MTPN: variants seen among roughly 807,000 people sequenced by gnomAD.
MTPN encodes the protein myotrophin, also known as granule cell differentiation protein.
A neutral mutation model predicts 13.5 loss-of-function variants in MTPN; 2 were observed. That is an observed-to-expected ratio of 0.15 (90% confidence interval 0.06 to 0.47). MTPN has a LOEUF of 0.47. Among genes scored for constraint, MTPN ranks in the 20% least tolerant of loss-of-function variants. MTPN has a pLI of 0.97. For missense variants in MTPN, 79 were observed against 137.9 expected (o/e 0.57, Z 2.14); for synonymous variants, 46 against 51.7 (o/e 0.89, Z 0.48).
chr7:135,954,789 A>G (rs1416242458), intron 1 of MTPN, among the ~76,000 whole-genome samples: 6 of 152,112 alleles, frequency 3.9e-5, no homozygotes, highest in Admixed American at 3.9e-4. Context: ...AAAAAACACA[A>G]CAAATTAGCT....
Position 135,927,761 on chromosome 7 carries a change from A to G in MTPN, c.*2165T>C, listed in dbSNP as rs1169498264. 4.3e-6 allele frequency: 2 copies of G among 466,754 alleles called. No individual in the cohort carries two copies. Among genetic ancestry groups the G allele is most frequent in the Admixed American group, 5.0e-5 (2 of 39,640 alleles). The allele number at this position is 466,754 out of a possible 1,614,324, so 28.9% of individuals were successfully genotyped here. Reference sequence around the variant, plus strand: ...TATAGGGTTTACAAAAAGGTCGAGAAAGAAAAGCGAAGGCGAAATAGCCTC... The same window carrying G: ...TATAGGGTTTACAAAAAGGTCGAGAGAGAAAAGCGAAGGCGAAATAGCCTC... On this transcript the variant is annotated 3_prime_UTR_variant, in exon 4 of 4. Coordinates refer to ENST00000393085, the MANE Select transcript of MTPN (RefSeq NM_145808.4).
At chr7:135,953,401 G>A (rs943864916) in intron 1 of MTPN, among the ~76,000 whole-genome samples, 1 of 152,104 alleles carries the variant, frequency 6.6e-6, no homozygotes, top group Non-Finnish European at 1.5e-5. Flanking sequence ...TATGATGTGG[G>A]AGTTAAGAAC....
Position 135,937,370 on chromosome 7 carries a change from T to TACACACACAC in MTPN, c.271-7368_271-7359dup, listed in dbSNP as rs35704525. On this transcript the variant is annotated intron_variant, in intron 3 of 3. Coordinates refer to ENST00000393085, the MANE Select transcript of MTPN (RefSeq NM_145808.4). ...TATAGATCTCCAAGTGCTAACTGGA[T>TACACACACAC]ACACACACACACACACACACACACA... Among the ~76,000 whole-genome samples, 491 of 144,486 alleles carry TACACACACAC rather than the reference T, an allele frequency of 3.4e-3. 2 individuals are homozygous for TACACACACAC. The highest frequency in any genetic ancestry group is 0.012 in the African/African-American group (457 of 39,256). The allele number at this position is 144,486 out of a possible 152,430, so 94.8% of individuals were successfully genotyped here.
chr7:135,975,753 G>A (rs1446711511), intron 1 of MTPN, among the ~76,000 whole-genome samples: 1 of 152,158 alleles, frequency 6.6e-6, no homozygotes, highest in Admixed American at 6.5e-5. Context: ...GTTTCAGTTG[G>A]CTACCAGCTG....
intron 3 of MTPN, among the ~76,000 whole-genome samples, chr7:135,943,052 T>C (rs1799238629): frequency 6.6e-6 from 1 of 152,236 alleles, no homozygotes; most frequent in South Asian, 2.1e-4. Flanking sequence ...TGACACAGTT[T>C]CTTAAAAATA....
At chr7:135,933,640 T>C (rs1799064306) in intron 3 of MTPN, among the ~76,000 whole-genome samples, 1 of 152,228 alleles carries the variant, frequency 6.6e-6, no homozygotes, top group Non-Finnish European at 1.5e-5. Flanking sequence ...CTAGTCATTT[T>C]CTCTCTGTTG....
At chr7:135,976,773 C>CA (rs1201273963) in intron 1 of MTPN, among the ~76,000 whole-genome samples, 2 of 152,174 alleles carry the variant, frequency 1.3e-5, no homozygotes, top group Admixed American at 6.5e-5. Context: ...TCCCCTCCCC[C>CA]AAGAGGCCAG....
At chr7:135,973,508 G>C (rs761222713) in intron 1 of MTPN, among the ~76,000 whole-genome samples, 36 of 152,026 alleles carry the variant, frequency 2.4e-4, no homozygotes, top group Non-Finnish European at 3.2e-4. Context: ...GCTCAATTTG[G>C]AATTTGTCTG....
intron 1 of MTPN, among the ~76,000 whole-genome samples, chr7:135,967,477 A>T (rs1799623112): frequency 6.6e-6 from 1 of 152,196 alleles, no homozygotes; most frequent in Non-Finnish European, 1.5e-5. Flanking sequence ...GCGGAAAACC[A>T]ACCAACCAAC....
chr7:135,969,112 T>G (rs1799652765), intron 1 of MTPN, among the ~76,000 whole-genome samples: 2 of 117,614 alleles, frequency 1.7e-5, no homozygotes, highest in Non-Finnish European at 3.5e-5. Flanking sequence ...GAGGGAGGGA[T>G]AGCATTGGGA....
chr7:135,941,641 AAC>A (rs1432207475), intron 3 of MTPN, among the ~76,000 whole-genome samples: 1 of 152,168 alleles, frequency 6.6e-6, no homozygotes, highest in Non-Finnish European at 1.5e-5. Flanking sequence ...TCCTTATTTG[AAC>A]ACAGTTAACT....
At chr7:135,939,462 T>C (rs1457160959) in intron 3 of MTPN, among the ~76,000 whole-genome samples, 14 of 151,794 alleles carry the variant, frequency 9.2e-5, no homozygotes, top group Non-Finnish European at 1.5e-5. Flanking sequence ...TACAGGTGAC[T>C]ATCTGACCTA....
In MTPN at chr7:135,977,233, G is replaced by C. The variant is rs571342558; in HGVS notation, c.-133C>G. The C allele has an allele frequency of 2.2e-4, 194 of 894,926 alleles. No individual in the cohort carries two copies. In the East Asian group the frequency reaches 3.5e-3, roughly 16 times the overall value. 55.4% of individuals were successfully genotyped at this position (894,926 alleles called of 1,614,324 possible). ...AGGAGAAGAAGAGAAGGAGGGTTAG[G>C]CTGCCAGGCGGGCGAGGCAGTTGGC... On this transcript the variant is annotated 5_prime_UTR_variant, in exon 1 of 4. Transcript: ENST00000393085.
chr7:135,935,772 C>T (rs1400459730), intron 3 of MTPN, among the ~76,000 whole-genome samples: 2 of 152,144 alleles, frequency 1.3e-5, no homozygotes, highest in Non-Finnish European at 2.9e-5. Flanking sequence ...AAACAACGTA[C>T]TGTACTCTAA....
At chr7:135,952,468 A>G (rs1054113820) in intron 1 of MTPN, among the ~76,000 whole-genome samples, 3 of 152,152 alleles carry the variant, frequency 2.0e-5, no homozygotes, top group Non-Finnish European at 4.4e-5. Context: ...TCTTCAAACT[A>G]CCCCAAGAAG....
intron 2 of MTPN, 73 bp downstream of exon 2, chr7:135,951,444 A>G (rs1232596470): frequency 9.1e-6 from 7 of 769,570 alleles, no homozygotes; most frequent in Non-Finnish European, 1.2e-5. Context: ...GCTATTTTAT[A>G]ATCTATAGAA....
rs1335668496 is a variant in MTPN, at chr7:135,928,431, C to G, written c.*1495G>C. On this transcript the variant is annotated 3_prime_UTR_variant, in exon 4 of 4. Coordinates refer to ENST00000393085, the MANE Select transcript of MTPN (RefSeq NM_145808.4). ...AATAGATTAACCCTGCTGTAGAATG[C>G]TATGTTGCCTTTAAAAACCAATTCA... The G allele has an allele frequency of 6.0e-6, 1 of 166,996 alleles. No individual in the cohort carries two copies. The highest frequency in any genetic ancestry group is 1.5e-5 in the Non-Finnish European group (1 of 68,086). 10.3% of individuals were successfully genotyped at this position (166,996 alleles called of 1,614,324 possible). A position where few individuals can be genotyped will look rare whatever the true frequency, so the allele number is the denominator to read the frequency against.
At chr7:135,971,476 T>C (rs1408355164) in intron 1 of MTPN, among the ~76,000 whole-genome samples, 1 of 152,144 alleles carries the variant, frequency 6.6e-6, no homozygotes, top group African/African-American at 2.4e-5. Flanking sequence ...TTTCTGGCCT[T>C]ATTGAGAAAT....
intron 3 of MTPN, chr7:135,932,093 A>G (rs1005302294): frequency 2.0e-5 from 3 of 152,208 alleles, no homozygotes; most frequent in African/African-American, 7.2e-5. Flanking sequence ...TTGTAACTGT[A>G]TTTCTGTTCC....
Sources: allele counts gnomAD v4.1 joint callset (sites outside exome capture counted in the v4.1 genomes callset), GRCh38; gene constraint gnomAD v4.1.1; transcripts MANE v1.5; gene names NCBI Gene and HGNC (gene_info 2026-07-23, HGNC 2026-07-21).